Variants in HVCN1 observed in about 807,000 individuals in gnomAD.
HVCN1 encodes the protein hydrogen voltage gated channel 1.
Under a neutral mutation model 29.2 loss-of-function variants are expected in HVCN1, and 14 were observed. The observed-to-expected ratio is 0.48, with a 90% confidence interval of 0.32 to 0.75. The LOEUF (loss-of-function observed/expected upper bound fraction) is 0.75, where lower values mean the gene tolerates loss of function less well. HVCN1 is among the 30% of genes least tolerant of loss of function. The pLI is 0.04. For missense variants in HVCN1, 263 were observed against 341.8 expected (o/e 0.77, Z 1.82); for synonymous variants, 131 against 133.2 (o/e 0.98, Z 0.11).
At chr12:110,685,617 C>A (rs189041951) in intron 2 of HVCN1, among the ~76,000 whole-genome samples, 24 of 152,150 alleles carry the variant, frequency 1.6e-4, no homozygotes, top group Admixed American at 1.5e-3. Context: ...TGGACATTTA[C>A]GGTTGTTTCC....
At chr12:110,702,391 A>C (rs1180523098) in exon 2 of HVCN1, 1 of 152,206 alleles carries the variant, frequency 6.6e-6, no homozygotes, top group Non-Finnish European at 1.5e-5. Flanking sequence ...CAGATGAGCC[A>C]GTCTACTTTC....
intron 2 of HVCN1, among the ~76,000 whole-genome samples, chr12:110,698,507 C>A (rs2069527345): frequency 6.6e-6 from 1 of 152,222 alleles, no homozygotes; most frequent in Non-Finnish European, 1.5e-5. Context: ...TCCGCAGCCG[C>A]TGCAGCACTG....
intron 3 of HVCN1, chr12:110,682,942 A>C (rs55738592): frequency 0.11 from 39,114 of 349,982 alleles, 2,986 homozygotes; most frequent in African/African-American, 0.27. Context: ...CCAGCCTGGG[A>C]AACAAGAGTG....
intron 4 of HVCN1, 58 bp from the exon 5 acceptor site, chr12:110,655,396 C>T: frequency 7.6e-7 from 1 of 1,321,874 alleles, no homozygotes; most frequent in Non-Finnish European, 1.1e-6. Flanking sequence ...CCCTCCCTCT[C>T]CCATCATTAA....
intron 3 of HVCN1, among the ~76,000 whole-genome samples, chr12:110,668,501 T>G (rs1052866820): frequency 6.6e-6 from 1 of 152,080 alleles, no homozygotes; most frequent in Non-Finnish European, 1.5e-5. Flanking sequence ...TGAGACTGTC[T>G]CAAGAAAACA....
At chr12:110,704,067 C>A (rs1283767641) in intron 1 of HVCN1, among the ~76,000 whole-genome samples, 1 of 152,110 alleles carries the variant, frequency 6.6e-6, no homozygotes, top group Admixed American at 6.5e-5. Flanking sequence ...AATTTGACTG[C>A]ATGAAATTTA....
At position 110,655,318 on chromosome 12, in the gene HVCN1, C is replaced by T; in HGVS notation, c.327G>A (p.Val109=). ...HRFQVIIICL[V]VLDALLVLAE... is the part of the protein sequence containing the mutation. Reference sequence around the variant, plus strand: ...CAAGCACCAGGAGGGCATCCAGAACCACCAAGCAGATGATGATGACCTGTG... The same window carrying T: ...CAAGCACCAGGAGGGCATCCAGAACTACCAAGCAGATGATGATGACCTGTG... Residue 109 remains valine, a synonymous_variant, in exon 5 of 8, where the codon GTG becomes GTA. Transcript: ENST00000242607. The T allele has an allele frequency of 6.2e-7, 1 of 1,613,800 alleles. No individual in the cohort carries two copies. Among genetic ancestry groups the T allele is most frequent in the Non-Finnish European group, 8.5e-7 (1 of 1,179,836 alleles).
chr12:110,650,721 G>T (rs2067771129), intron 6 of HVCN1, among the ~76,000 whole-genome samples: 1 of 146,982 alleles, frequency 6.8e-6, no homozygotes, highest in African/African-American at 2.6e-5. Flanking sequence ...TTGAGATGGG[G>T]TCTGGCTCTG....
Position 110,683,234 on chromosome 12 carries a change from C to T in HVCN1, c.12G>A (p.Trp4Ter), listed in dbSNP as rs778792393. 14 of 1,611,720 alleles carry T rather than the reference C, an allele frequency of 8.7e-6. No individual in the cohort carries two copies. The highest frequency in any genetic ancestry group is 1.2e-5 in the Non-Finnish European group (14 of 1,179,354). Reference sequence around the variant, plus strand: ...CCACAGAATCCATTACCTTTTCGTCCCAGGTGGCCATGTCCCTGTTGCCTC... The same window carrying T: ...CCACAGAATCCATTACCTTTTCGTCTCAGGTGGCCATGTCCCTGTTGCCTC... The part of the protein sequence containing the change: MAT[W>*]DEKAVTRRAK... The change falls in exon 3 of 8, where the codon TGG becomes TGA. Residue 4 changes from tryptophan (W) to a stop codon, truncating the protein, a stop_gained. Transcript: ENST00000242607. LOFTEE classifies it high-confidence loss of function.
Position 110,658,617 on chromosome 12 carries a change from C to T in HVCN1, c.306+2547G>A, listed in dbSNP as rs536393668. Among the ~76,000 whole-genome samples the T allele has an allele frequency of 2.6e-5, 4 of 152,272 alleles. No homozygotes were observed. Among genetic ancestry groups the T allele is most frequent in the Admixed American group, 6.5e-5 (1 of 15,296 alleles). On this transcript the variant is annotated intron_variant, in intron 4 of 7. Transcript: ENST00000242607. This position sits in a 1 kb window ranked among gnomAD's most constrained non-coding sequence, Gnocchi z 5.0. Reference sequence around the variant, plus strand: ...CTCAGCATGCAGGTGTCACCTCCTTCGACTCCAGTCCCTGATCAGGTCCCC... The same window carrying T: ...CTCAGCATGCAGGTGTCACCTCCTTTGACTCCAGTCCCTGATCAGGTCCCC...
At position 110,661,300 on chromosome 12, in the gene HVCN1, G is replaced by A. The variant is rs1162768271; in HGVS notation, c.170C>T (p.Pro57Leu). The A allele has an allele frequency of 1.2e-6, 2 of 1,614,056 alleles. No individual in the cohort carries two copies. Among genetic ancestry groups the A allele is most frequent in the Non-Finnish European group, 1.7e-6 (2 of 1,180,030 alleles). The change falls in exon 4 of 8, where the codon CCA becomes CTA. Residue 57 changes from proline to leucine, a missense_variant. Physicochemically the swap from Pro to Leu is moderately conservative, Grantham distance 98. This residue lies in a region of HVCN1 where 157 missense variants were observed against 181.3 expected (regional missense o/e 0.87). Transcript: ENST00000242607. This position sits in a 1 kb window ranked among gnomAD's most constrained non-coding sequence, Gnocchi z 6.2. ...CTCGCCTGAGACTGGTGTGGGTGGT[G>A]GCTGCTCCTCCTCCTCCTCCTCCTC... ...NEEEEEEEEQ[P>L]PPTPVSGEEG...
upstream of HVCN1, among the ~76,000 whole-genome samples, chr12:110,690,504 A>G (rs567370551): frequency 1.3e-5 from 2 of 151,790 alleles, no homozygotes; most frequent in East Asian, 3.9e-4. Context: ...TTTGGAACGG[A>G]GTCTCACTGT....
At chr12:110,695,685 C>T (rs578120180) in intron 2 of HVCN1, among the ~76,000 whole-genome samples, 36 of 152,206 alleles carry the variant, frequency 2.4e-4, no homozygotes, top group Non-Finnish European at 4.0e-4. Flanking sequence ...GACATTTAAA[C>T]GGACACTGAA....
chr12:110,655,770 T>C (rs965826496), intron 4 of HVCN1, among the ~76,000 whole-genome samples: 13 of 150,948 alleles, frequency 8.6e-5, no homozygotes, highest in Non-Finnish European at 1.6e-4. Context: ...AGTGGCATGA[T>C]CTCGCCTCAC....
At chr12:110,701,916 CAAA>C (rs1555241194) in intron 2 of HVCN1, among the ~76,000 whole-genome samples, 1 of 150,908 alleles carries the variant, frequency 6.6e-6, no homozygotes. Flanking sequence ...ACAACAACAA[CAAA>C]ACACACACAG....
chr12:110,677,665 G>A (rs540201843), intron 3 of HVCN1, among the ~76,000 whole-genome samples: 2 of 152,332 alleles, frequency 1.3e-5, no homozygotes, highest in South Asian at 4.2e-4. Flanking sequence ...TCCTGCCCCA[G>A]GGGATCCGTG....
At chr12:110,649,784 C>T (rs966485386) in intron 7 of HVCN1, among the ~76,000 whole-genome samples, 1 of 152,122 alleles carries the variant, frequency 6.6e-6, no homozygotes. Context: ...CAGGGAAGGG[C>T]GCTCTAGGTG....
intron 3 of HVCN1, among the ~76,000 whole-genome samples, chr12:110,681,121 A>G (rs2068953443): frequency 6.6e-6 from 1 of 152,188 alleles, no homozygotes; most frequent in African/African-American, 2.4e-5. Context: ...GTTTTCTCAC[A>G]TTTTAATGTC....
At chr12:110,655,699 T>A (rs1167594948) in intron 4 of HVCN1, among the ~76,000 whole-genome samples, 3 of 146,036 alleles carry the variant, frequency 2.1e-5, no homozygotes, top group African/African-American at 7.8e-5. Context: ...TGGCAACAAA[T>A]AATCAGTTTT....
Sources: allele counts gnomAD v4.1 joint callset (sites outside exome capture counted in the v4.1 genomes callset), GRCh38; gene constraint gnomAD v4.1.1; regional missense constraint gnomAD v4.1.1; non-coding constraint Gnocchi (gnomAD v3.1); transcripts MANE v1.5; gene names NCBI Gene and HGNC (gene_info 2026-07-23, HGNC 2026-07-21).